Variants in FN3KRP observed in about 807,000 individuals in gnomAD.
The protein encoded by FN3KRP is ketosamine-3-kinase.
In FN3KRP, 33 loss-of-function variants were observed where a neutral mutation model predicts 29.8. The observed-to-expected ratio is 1.11, with a 90% CI of 0.84 to 1.48. The LOEUF is 1.48. Ranked by LOEUF, FN3KRP falls within the 40% of genes most tolerant of loss-of-function variation. The pLI is 0.00. For missense variants in FN3KRP, 430 were observed against 402.6 expected, an observed-to-expected ratio of 1.07 and a Z score of -0.58; for synonymous variants, 157 against 155.2, an observed-to-expected ratio of 1.01 and a Z score of -0.09.
At position 82,726,934 on chromosome 17, in the gene FN3KRP, G is replaced by A. The variant is rs1403525304; in HGVS notation, c.693G>A (p.Val231=). 3 of 1,613,228 alleles carry A rather than the reference G, an allele frequency of 1.9e-6. No individual in the cohort carries two copies. Among genetic ancestry groups the A allele is most frequent in the Non-Finnish European group, 2.5e-6 (3 of 1,179,484 alleles). Residue 231 remains valine (V), a synonymous_variant, in exon 6 of 6, where the codon GTG becomes GTA. Coordinates refer to ENST00000269373, the MANE Select transcript of FN3KRP (RefSeq NM_024619.4). ...TAGCAGAGGATTCCTCTGGGCCGGT[G>A]ATTTTTGACCCAGCTTCTTTCTACG... ...GNVAEDSSGP[V]IFDPASFYGH...
intron 2 of FN3KRP, 25 bp from the exon 3 acceptor site, chr17:82,720,247 T>C (rs770841368): frequency 6.3e-7 from 1 of 1,595,248 alleles, no homozygotes; most frequent in Admixed American, 1.7e-5. Flanking sequence ...GTCATCTGTT[T>C]AGTTGCTGTC....
At chr17:82,723,561 G>A (rs1390378337) in intron 4 of FN3KRP, among the ~76,000 whole-genome samples, 1 of 145,026 alleles carries the variant, frequency 6.9e-6, no homozygotes, top group East Asian at 1.9e-4. Flanking sequence ...GTGCGCATAT[G>A]TGTATGTGTG....
intron 1 of FN3KRP, among the ~76,000 whole-genome samples, chr17:82,717,427 A>G (rs1192960011): frequency 6.7e-6 from 1 of 150,240 alleles, no homozygotes; most frequent in Admixed American, 6.6e-5. Flanking sequence ...CTTCTGTTAG[A>G]CTCATTCTCG....
chr17:82,716,790 G>T lies in FN3KRP; in HGVS notation c.35G>T (p.Ser12Ile), dbSNP rs1243148633. ...CTCCTGAGGCGCGAGCTGGGCTGCA[G>T]CTCTGTCAGGGCCACGGGCCACTCG... is the stretch of plus-strand genomic sequence containing the variant. ...EELLRRELGCSSVRATGHSGG... is the reference protein window; with the variant it reads ...EELLRRELGCISVRATGHSGG... Residue 12 changes from serine to isoleucine, a missense_variant, in exon 1 of 6, where the codon AGC becomes ATC. Coordinates refer to ENST00000269373, the MANE Select transcript of FN3KRP (RefSeq NM_024619.4). 1.9e-6 allele frequency: 3 copies of T among 1,544,520 alleles called. No individual in the cohort carries two copies. Among genetic ancestry groups the T allele is most frequent in the Non-Finnish European group, 2.6e-6 (3 of 1,152,646 alleles).
chr17:82,726,807 C>T, intron 5 of FN3KRP, 26 bp from the exon 6 acceptor site: 1 of 1,521,308 alleles, frequency 6.6e-7, no homozygotes, highest in Non-Finnish European at 8.8e-7. Context: ...GATCAATTTG[C>T]TGAGGCTCCA....
chr17:82,720,221 T>C, intron 2 of FN3KRP, 51 bp from the exon 3 acceptor site: 1 of 1,452,128 alleles, frequency 6.9e-7, no homozygotes, highest in Non-Finnish European at 9.7e-7. Flanking sequence ...GCAGTGGGTG[T>C]GTTGCCATTC....
chr17:82,720,506 G>A (rs781135315), intron 3 of FN3KRP, 143 bp downstream of exon 3: 34 of 605,314 alleles, frequency 5.6e-5, no homozygotes, highest in Admixed American at 3.9e-4. Flanking sequence ...GCCTTGAGCC[G>A]CATCTCACGG....
At position 82,726,994 on chromosome 17, in the gene FN3KRP, G is replaced by T; in HGVS notation, c.753G>T (p.Met251Ile). 3 of 1,614,190 alleles carry T rather than the reference G, an allele frequency of 1.9e-6. No homozygotes were observed. The highest frequency in any genetic ancestry group is 2.5e-6 in the Non-Finnish European group (3 of 1,180,034). Residue 251 changes from methionine to isoleucine, a missense_variant, in exon 6 of 6, where the codon ATG becomes ATT. By Grantham distance (10) the Met-to-Ile change is conservative. Transcript: ENST00000269373. ...HSEYELAIAG[M>I]FGGFSSSFYS... ...AATATGAGCTGGCAATAGCTGGCATGTTTGGGGGCTTTAGCAGCTCCTTTT... is the reference window on the plus strand; with the variant it reads ...AATATGAGCTGGCAATAGCTGGCATTTTTGGGGGCTTTAGCAGCTCCTTTT...
intron 5 of FN3KRP, 84 bp from the exon 6 acceptor site, chr17:82,726,749 G>A: frequency 6.7e-7 from 1 of 1,493,394 alleles, no homozygotes; most frequent in Middle Eastern, 1.8e-4. Flanking sequence ...GCTGCTGCCT[G>A]GGCTGGGGGC....
intron 2 of FN3KRP, 147 bp downstream of exon 2, chr17:82,719,204 T>G: frequency 4.3e-6 from 3 of 705,760 alleles, no homozygotes; most frequent in South Asian, 3.8e-5. Flanking sequence ...CCCAGCTGGC[T>G]TCATGCCCCG....
chr17:82,721,481 C>G (rs938296361), intron 3 of FN3KRP, among the ~76,000 whole-genome samples: 1 of 152,028 alleles, frequency 6.6e-6, no homozygotes, highest in Admixed American at 6.6e-5. Context: ...GGGGCAGATT[C>G]TTTTTCCTCT....
rs773076464 is a variant in FN3KRP, at chr17:82,726,860, C to G, written c.619C>G (p.Leu207Val). 3.9e-6 allele frequency: 6 copies of G among 1,554,102 alleles called. No individual in the cohort carries two copies. The highest frequency in any genetic ancestry group is 5.2e-6 in the Non-Finnish European group (6 of 1,152,288). The change falls in exon 6 of 6, where the codon CTG becomes GTG. Residue 207 changes from leucine (L) to valine (V), a missense_variant. Coordinates refer to ENST00000269373, the MANE Select transcript of FN3KRP (RefSeq NM_024619.4). ...QLKIPDLFRD[L>V]EIIPALLHGD... ...AAAGATCCCTGACCTGTTCCGTGAC[C>G]TGGAGATCATCCCAGCCTTACTCCA...
chr17:82,720,151 G>C, intron 2 of FN3KRP, 121 bp from the exon 3 acceptor site: 1 of 673,282 alleles, frequency 1.5e-6, no homozygotes, highest in Non-Finnish European at 2.5e-6. Context: ...GGGTGACAGA[G>C]CGAGACTCCA....
chr17:82,726,052 T>A (rs1157572608), intron 4 of FN3KRP, among the ~76,000 whole-genome samples: 1 of 152,086 alleles, frequency 6.6e-6, no homozygotes, highest in Non-Finnish European at 1.5e-5. Context: ...TGGTGGTGCA[T>A]GCTTGTAATC....
intron 3 of FN3KRP, 71 bp downstream of exon 3, chr17:82,720,434 G>C (rs1329223339): frequency 5.4e-6 from 7 of 1,291,454 alleles, no homozygotes; most frequent in African/African-American, 1.5e-5. Context: ...GCTCAGAGCG[G>C]GGGCCGTGCA....
chr17:82,718,912 A>G lies in FN3KRP; in HGVS notation c.148A>G (p.Arg50Gly), dbSNP rs1361540502. 1 of 1,613,726 alleles carries G rather than the reference A, an allele frequency of 6.2e-7. No individual in the cohort carries two copies. The highest frequency in any genetic ancestry group is 1.7e-5 in the Admixed American group (1 of 60,002). The change falls in exon 2 of 6, where the codon AGA (arginine) becomes GGA (glycine). Residue 50 changes from arginine to glycine, a missense_variant. Coordinates refer to ENST00000269373, the MANE Select transcript of FN3KRP (RefSeq NM_024619.4). ...VKVNPKAEAR[R>G]MFEGEMASLT... ...TCTCGTATTTTTCTGACAGGCCAGA[A>G]GAATGTTTGAAGGTGAGATGGCAAG...
At position 82,716,718 on chromosome 17, in the gene FN3KRP, C is replaced by G. The variant is rs2046755748; in HGVS notation, c.-38C>G. On this transcript the variant is annotated 5_prime_UTR_variant, in exon 1 of 6. Transcript: ENST00000269373. ...GCTCGGCCGCCGTCTCTCGAGTCTC[C>G]GCCAGATCCGGGGCGGGTCCGCGGC... is the stretch of plus-strand genomic sequence containing the variant. The G allele has an allele frequency of 2.7e-6, 4 of 1,462,020 alleles. No individual in the cohort carries two copies. The highest frequency in any genetic ancestry group is 2.7e-6 in the Non-Finnish European group (3 of 1,113,850). 90.6% of individuals were successfully genotyped at this position (1,462,020 alleles called of 1,614,324 possible). A position where few individuals can be genotyped will look rare whatever the true frequency, so the allele number is the denominator to read the frequency against.
chr17:82,716,907 G>T lies in FN3KRP; in HGVS notation c.141+11G>T, dbSNP rs562104367. 202 of 1,564,714 alleles carry T rather than the reference G, an allele frequency of 1.3e-4. No homozygotes were observed. The South Asian group carries it at 1.7e-3, about 13-fold the overall frequency. Reference sequence around the variant, plus strand: ...AACCCCAAGGCGGAGGTCAGGCAGCGGGTCGGGCGGGCCGGGGGACCGGTT... The same window carrying T: ...AACCCCAAGGCGGAGGTCAGGCAGCTGGTCGGGCGGGCCGGGGGACCGGTT... On this transcript the variant is annotated intron_variant, in intron 1 of 5. Coordinates refer to ENST00000269373, the MANE Select transcript of FN3KRP (RefSeq NM_024619.4).
At chr17:82,726,335 G>A in intron 4 of FN3KRP, 145 bp from the exon 5 acceptor site, 1 of 949,078 alleles carries the variant, frequency 1.1e-6, no homozygotes, top group Non-Finnish European at 1.6e-6. Flanking sequence ...CTGGGATGTG[G>A]TTCCCCCCTC....
Sources: allele counts gnomAD v4.1 joint callset (sites outside exome capture counted in the v4.1 genomes callset), GRCh38; gene constraint gnomAD v4.1.1; transcripts MANE v1.5; gene names NCBI Gene and HGNC (gene_info 2026-07-23, HGNC 2026-07-21).